The following ITIH4 variants were observed in gnomAD, a reference collection of about 807,000 sequenced individuals.
ITIH4 encodes the protein inter-alpha-trypsin inhibitor heavy chain 4, also known as inter-alpha-trypsin inhibitor heavy chain H4.
ITIH4 carries 79 observed loss-of-function variants against 111.8 expected under a neutral mutation model. The observed-to-expected ratio is 0.71, with a 90% CI of 0.59 to 0.85. The LOEUF (loss-of-function observed/expected upper bound fraction) is 0.85, where lower values mean the gene tolerates loss of function less well. ITIH4 is among the 40% of genes least tolerant of loss of function. The pLI is 0.00. For synonymous variants in ITIH4, 472 were observed against 468.3 expected (o/e 1.01, Z -0.10); for missense variants, 1,065 against 1,195.8 (o/e 0.89, Z 1.61).
Position 52,827,096 on chromosome 3 carries a change from A to G in ITIH4, c.353T>C (p.Val118Ala). 6.2e-7 allele frequency: 1 copy of G among 1,613,822 alleles called. No individual in the cohort carries two copies. Among genetic ancestry groups the G allele is most frequent in the East Asian group, 2.2e-5 (1 of 44,846 alleles). The change falls in exon 3 of 24, where the codon GTC becomes GCC. Residue 118 changes from valine to alanine, a missense_variant. Transcript: ENST00000266041. ...AAGCTGCCCCCCACCAGCTCACTTG[A>G]CGAGGCCAGCGCTCTTTCCCTTGGC... ...AVAKGKSAGL[V>A]KATGRNMEQF...
chr3:52,830,196 C>G (rs1700546583), intron 1 of ITIH4: 1 of 371,090 alleles, frequency 2.7e-6, no homozygotes, highest in Non-Finnish European at 5.3e-6. Flanking sequence ...GTTTTCACAA[C>G]CGCCACCCTC....
chr3:52,817,403 G>T (rs776005852), intron 20 of ITIH4, among the ~76,000 whole-genome samples: 42 of 152,228 alleles, frequency 2.8e-4, no homozygotes, highest in Non-Finnish European at 5.3e-4. Context: ...AGGGTAAGAT[G>T]GAGAATTGGT....
chr3:52,815,688 CT>C (rs869262086), intron 21 of ITIH4, among the ~76,000 whole-genome samples: 118 of 144,678 alleles, frequency 8.2e-4, no homozygotes, highest in Middle Eastern at 3.6e-3. Flanking sequence ...AATTTTAGAT[CT>C]TTTTTTTTTT....
At chr3:52,825,770 C>G (rs1285799374) in intron 6 of ITIH4, 116 bp downstream of exon 6, 12 of 1,159,836 alleles carry the variant, frequency 1.0e-5, no homozygotes, top group Non-Finnish European at 1.4e-5. Context: ...GTGCCGGTCC[C>G]TGGTGCACAC....
At chr3:52,818,851 G>C (rs1196556690) in intron 17 of ITIH4, 1 of 402,496 alleles carries the variant, frequency 2.5e-6, no homozygotes, top group Non-Finnish European at 4.5e-6. Context: ...GAGTATAGTG[G>C]ATCCTACTCA....
chr3:52,827,967 A>T (rs1700511900), intron 2 of ITIH4, among the ~76,000 whole-genome samples: 1 of 152,070 alleles, frequency 6.6e-6, no homozygotes. Context: ...GAGGGGGAGC[A>T]GCCAGGATGT....
intron 12 of ITIH4, 64 bp from the exon 13 acceptor site, chr3:52,820,849 C>A: frequency 4.5e-6 from 7 of 1,563,178 alleles, no homozygotes; most frequent in Non-Finnish European, 6.1e-6. Context: ...TTCCATCCAG[C>A]CCCTTCTGGG....
chr3:52,822,308 A>T (rs933568974), intron 11 of ITIH4: 3 of 151,996 alleles, frequency 2.0e-5, no homozygotes, highest in African/African-American at 7.3e-5. Flanking sequence ...CAACCACTGC[A>T]CTCCAGCCTG....
In ITIH4 at chr3:52,823,918, C is replaced by T. The variant is rs751966970; in HGVS notation, c.1258G>A (p.Asp420Asn). ...YSLFCLGFGF[D>N]VSYAFLEKLA... ...TTCTCCAGGAAGGCATAGCTGACGT[C>T]GAAACCGAAGCCCAGGCAGAAGAGG... is the stretch of plus-strand genomic sequence containing the variant. Residue 420 changes from aspartate (D) to asparagine (N), a missense_variant, in exon 10 of 24, where the codon GAC becomes AAC. Coordinates refer to ENST00000266041, the MANE Select transcript of ITIH4 (RefSeq NM_002218.5). 5 of 1,610,466 alleles carry T rather than the reference C, an allele frequency of 3.1e-6. No homozygotes were observed. The highest frequency in any genetic ancestry group is 1.1e-5 in the South Asian group (1 of 90,436).
At position 52,823,643 on chromosome 3, in the gene ITIH4, G is replaced by C; in HGVS notation, c.1452C>G (p.Leu484=). ...VEEVTQNNFR[L]LFKGSEMVVA... ...CCACCATCTCTGAGCCCTTGAAGAG[G>C]AGCCGGAAGTTGTTCTGAGTGACCT... The change falls in exon 11 of 24, where the codon CTC becomes CTG. Residue 484 remains leucine, a synonymous_variant. Transcript: ENST00000266041. 1 of 1,614,188 alleles carries C rather than the reference G, an allele frequency of 6.2e-7. No individual in the cohort carries two copies. Among genetic ancestry groups the C allele is most frequent in the Non-Finnish European group, 8.5e-7 (1 of 1,180,034 alleles).
Position 52,814,276 on chromosome 3 carries a change from A to C in ITIH4, c.2559T>G (p.Arg853=), listed in dbSNP as rs1578769237. The C allele has an allele frequency of 6.2e-7, 1 of 1,613,926 alleles. No individual in the cohort carries two copies. Among genetic ancestry groups the C allele is most frequent in the Non-Finnish European group, 8.5e-7 (1 of 1,180,020 alleles). ...GCAGAAGGAGCCGGAGCCCCTCCCC[A>C]CGGCCATCCCAGAACAACAGGCCGA... The part of the protein sequence containing the change: ...VTIGLLFWDG[R]GEGLRLLLRD... Residue 853 remains arginine (R), a synonymous_variant, in exon 22 of 24, where the codon CGT becomes CGG. Transcript: ENST00000266041.
Position 52,820,628 on chromosome 3 carries a change from C to G in ITIH4, c.1834+3G>C, listed in dbSNP as rs1559479688. On this transcript the variant is annotated splice_donor_region_variant and intron_variant, in intron 13 of 23. Coordinates refer to ENST00000266041, the MANE Select transcript of ITIH4 (RefSeq NM_002218.5). The stretch of plus-strand genomic sequence containing the variant: ...GAGGCTGAGATCTCAACCCCACACC[C>G]ACCGCCTTCCATGGGCTTCTCAGCA... 1.9e-6 allele frequency: 3 copies of G among 1,605,806 alleles called. No individual in the cohort carries two copies.
At chr3:52,813,867 C>A in intron 23 of ITIH4, 108 bp downstream of exon 23, 1 of 848,550 alleles carries the variant, frequency 1.2e-6, no homozygotes, top group South Asian at 1.5e-5. Flanking sequence ...CGGACTGTGT[C>A]TAGTTCCTGG....
chr3:52,824,664 T>G lies in ITIH4; in HGVS notation c.877-99A>C. 1 of 1,366,310 alleles carries G rather than the reference T, an allele frequency of 7.3e-7. No homozygotes were observed. The highest frequency in any genetic ancestry group is 1.4e-5 in the African/African-American group (1 of 69,336). The allele number at this position is 1,366,310 out of a possible 1,614,324, so 84.6% of individuals were successfully genotyped here. On this transcript the variant is annotated intron_variant, in intron 7 of 23. Transcript: ENST00000266041. This position sits in a 1 kb window ranked among gnomAD's most constrained non-coding sequence, Gnocchi z 4.3. ...TTGGACTCCTGTCTCAGGGGTGAGG[T>G]CATGGTATCTGCTCTAGGAACAGGG...
intron 21 of ITIH4, among the ~76,000 whole-genome samples, 195 bp from the exon 22 acceptor site, chr3:52,814,558 T>C (rs1276974303): frequency 6.6e-6 from 1 of 152,148 alleles, no homozygotes; most frequent in Non-Finnish European, 1.5e-5. Context: ...CTTAATGATG[T>C]CTAGTTTCCC....
At chr3:52,822,699 G>A (rs776565124) in intron 11 of ITIH4, among the ~76,000 whole-genome samples, 50 of 152,314 alleles carry the variant, frequency 3.3e-4, no homozygotes, top group Middle Eastern at 3.4e-3. Context: ...CACGCAGACC[G>A]TACCAACAGT....
At position 52,824,775 on chromosome 3, in the gene ITIH4, G is replaced by A. The variant is rs930177078; in HGVS notation, c.876+67C>T. The A allele has an allele frequency of 2.3e-5, 32 of 1,378,642 alleles. No homozygotes were observed. Among genetic ancestry groups the A allele is most frequent in the African/African-American group, 1.7e-4 (12 of 69,272 alleles). 85.4% of individuals were successfully genotyped at this position (1,378,642 alleles called of 1,614,324 possible). A position where few individuals can be genotyped will look rare whatever the true frequency, so the allele number is the denominator to read the frequency against. ...GGTGAAGCAAGGGGGTCTGCCTGCC[G>A]GACCACAGCTGATAGCGTGAAGGGC... On this transcript the variant is annotated intron_variant, in intron 7 of 23. Coordinates refer to ENST00000266041, the MANE Select transcript of ITIH4 (RefSeq NM_002218.5). This position sits in a 1 kb window ranked among gnomAD's most constrained non-coding sequence, Gnocchi z 4.3.
intron 1 of ITIH4, chr3:52,830,197 C>G: frequency 2.7e-6 from 1 of 371,580 alleles, no homozygotes; most frequent in Non-Finnish European, 5.3e-6. Context: ...TTTTCACAAC[C>G]GCCACCCTCT....
intron 16 of ITIH4, 23 bp downstream of exon 16, chr3:52,819,731 C>A: frequency 1.2e-6 from 2 of 1,612,724 alleles, no homozygotes; most frequent in Admixed American, 1.7e-5. Flanking sequence ...CATGCCTCCC[C>A]CTGGCAGAAA....
Sources: allele counts gnomAD v4.1 joint callset (sites outside exome capture counted in the v4.1 genomes callset), GRCh38; gene constraint gnomAD v4.1.1; non-coding constraint Gnocchi (gnomAD v3.1); transcripts MANE v1.5; gene names NCBI Gene and HGNC (gene_info 2026-07-23, HGNC 2026-07-21).